The following MYO16 variants were observed in gnomAD, a reference collection of about 807,000 sequenced individuals.
The protein encoded by MYO16 is myosin XVI.
In MYO16, 94 loss-of-function variants were observed where a neutral mutation model predicts 205.3. That is an observed-to-expected ratio of 0.46 (90% CI 0.39 to 0.54). The LOEUF is 0.54. Among genes scored for constraint, MYO16 ranks in the 20% least tolerant of loss-of-function variants. MYO16 has a pLI of 0.00. For synonymous variants in MYO16, 988 were observed against 954.0 expected (o/e 1.04, Z -0.66); for missense variants, 2,315 against 2,387.5 (o/e 0.97, Z 0.63).
chr13:109,205,505 T>C (rs1236533497), intron 34 of MYO16, among the ~76,000 whole-genome samples: 4 of 152,182 alleles, frequency 2.6e-5, no homozygotes, highest in African/African-American at 9.6e-5. Flanking sequence ...AACAAAGTAG[T>C]TAGTGCTTTG....
intron 11 of MYO16, among the ~76,000 whole-genome samples, chr13:108,857,790 C>T (rs1007154568): frequency 4.6e-5 from 7 of 152,192 alleles, no homozygotes; most frequent in Admixed American, 4.6e-4. Context: ...TTATCAAACT[C>T]CTGCCTCTAG....
chr13:109,022,740 A>ATTATG (rs1886122389), intron 23 of MYO16, among the ~76,000 whole-genome samples: 1 of 103,566 alleles, frequency 9.7e-6, no homozygotes, highest in Non-Finnish European at 2.0e-5. Context: ...TATATATTAT[A>ATTATG]TATATGCATA....
At chr13:108,504,198 T>C in the MYO16 span, among the ~76,000 whole-genome samples, 1 of 152,202 alleles carries the variant, frequency 6.6e-6, no homozygotes, top group Non-Finnish European at 1.5e-5. Context: ...CTCAGCTCAC[T>C]GCAACCTTCG....
In MYO16 at chr13:109,181,812, A is replaced by AT. The variant is rs1555339232; in HGVS notation, c.5415+2182dup. Among the ~76,000 whole-genome samples the AT allele has an allele frequency of 2.4e-4, 35 of 143,682 alleles. 1 individual carries two copies. The highest frequency in any genetic ancestry group is 7.6e-4 in the African/African-American group (30 of 39,608). 94.3% of individuals were successfully genotyped at this position (143,682 alleles called of 152,430 possible). A position where few individuals can be genotyped will look rare whatever the true frequency, so the allele number is the denominator to read the frequency against. ...ACTGTTTCATAAAATTTATTTATTT[A>AT]TTTATTTTATTTTATTTTTTTTTTT... On this transcript the variant is annotated intron_variant, in intron 34 of 34. Coordinates refer to ENST00000457511, the MANE Select transcript of MYO16 (RefSeq NM_001198950.3).
intron 32 of MYO16, among the ~76,000 whole-genome samples, chr13:109,157,453 C>T (rs868756001): frequency 6.6e-6 from 1 of 152,120 alleles, no homozygotes; most frequent in Non-Finnish European, 1.5e-5. Flanking sequence ...TTCCCTCCCC[C>T]TCTCCACATT....
chr13:109,047,358 T>C (rs1399235837), intron 24 of MYO16, among the ~76,000 whole-genome samples: 1 of 152,152 alleles, frequency 6.6e-6, no homozygotes, highest in Non-Finnish European at 1.5e-5. Context: ...AAGATGACTC[T>C]GGAGCACAAC....
intron 6 of MYO16, among the ~76,000 whole-genome samples, chr13:108,805,965 G>C (rs1887102450): frequency 2.1e-5 from 1 of 47,638 alleles, no homozygotes; most frequent in African/African-American, 4.9e-5. Context: ...AATAAAATTA[G>C]CTGGGTTTAG....
At chr13:108,886,503 A>G in intron 13 of MYO16, 1 of 456,226 alleles carries the variant, frequency 2.2e-6, no homozygotes, top group Non-Finnish European at 4.4e-6. Flanking sequence ...GGAAGCTCTC[A>G]GCAGAGAGGG....
At chr13:108,624,781 C>CTGTGTGTG (rs767842855), upstream of MYO16, among the ~76,000 whole-genome samples, 1,834 of 121,606 alleles carry the variant, frequency 0.015, 22 homozygotes, top group Non-Finnish European at 0.018. Flanking sequence ...CCCATATAGC[C>CTGTGTGTG]TGAGTGTGTG....
At chr13:109,023,618 C>G (rs1394345543) in intron 23 of MYO16, among the ~76,000 whole-genome samples, 1 of 116,366 alleles carries the variant, frequency 8.6e-6, no homozygotes, top group Non-Finnish European at 1.6e-5. Context: ...TTTATATATA[C>G]AAATATATAG....
chr13:109,149,724 C>T (rs1877547747), intron 32 of MYO16, among the ~76,000 whole-genome samples: 1 of 152,182 alleles, frequency 6.6e-6, no homozygotes, highest in African/African-American at 2.4e-5. Flanking sequence ...CCTGCCTTCT[C>T]CTCCTCTTTT....
In MYO16 at chr13:108,864,719, A is replaced by G. The variant is rs373395737; in HGVS notation, c.1360-1458A>G. ...AATTAAAAAAAAAAATTGTAGAGAT[A>G]GCATCTCACCATGTTACCCAGGCTA... On this transcript the variant is annotated intron_variant, in intron 11 of 34. Transcript: ENST00000457511. Among the ~76,000 whole-genome samples, 9 of 152,062 alleles carry G rather than the reference A, an allele frequency of 5.9e-5. No individual in the cohort carries two copies. In the South Asian group the frequency reaches 8.3e-4, roughly 14 times the overall value.
intron 29 of MYO16, among the ~76,000 whole-genome samples, chr13:109,122,082 G>T (rs1391506842): frequency 2.0e-5 from 3 of 152,158 alleles, no homozygotes; most frequent in Non-Finnish European, 4.4e-5. Context: ...CATCGCCAGG[G>T]ATCTGGCTAG....
At chr13:108,908,213 C>T (rs1948657450) in intron 15 of MYO16, among the ~76,000 whole-genome samples, 1 of 152,194 alleles carries the variant, frequency 6.6e-6, no homozygotes, top group African/African-American at 2.4e-5. Context: ...TCTAATTTTA[C>T]CATCACCTTT....
intron 27 of MYO16, among the ~76,000 whole-genome samples, chr13:109,060,536 TG>T (rs1178765861): frequency 2.0e-5 from 3 of 152,034 alleles, no homozygotes; most frequent in Admixed American, 6.6e-5. Flanking sequence ...CTAATGCATG[TG>T]GGGCTTAAAA....
the MYO16 span, among the ~76,000 whole-genome samples, chr13:108,503,877 ATG>A: frequency 2.0e-5 from 3 of 152,154 alleles, no homozygotes; most frequent in Non-Finnish European, 4.4e-5. Flanking sequence ...TAAAATTAAT[ATG>A]AGAGTTTGCT....
Position 108,903,194 on chromosome 13 carries a change from G to A in MYO16, c.1777+5061G>A, listed in dbSNP as rs144534894. On this transcript the variant is annotated intron_variant, in intron 15 of 34. Transcript: ENST00000457511. ...GGAAAGAAAACAAATTGTATGCTGAGGTTGCTAAGATCCATGGTAGGAAAC... is the reference window on the plus strand; with the variant it reads ...GGAAAGAAAACAAATTGTATGCTGAAGTTGCTAAGATCCATGGTAGGAAAC... Among the ~76,000 whole-genome samples, 306 of 152,280 alleles carry A rather than the reference G, an allele frequency of 2.0e-3. 2 individuals carry two copies. Among genetic ancestry groups the A allele is most frequent in the African/African-American group, 7.0e-3 (290 of 41,556 alleles).
chr13:109,194,157 GAATGAAAGCCCCTC>G (rs1880047895), intron 34 of MYO16, among the ~76,000 whole-genome samples: 1 of 152,130 alleles, frequency 6.6e-6, no homozygotes, highest in Admixed American at 6.6e-5. Flanking sequence ...TACCCAATTT[GAATGAAAGCCCCTC>G]GATGGAGGTG....
Position 109,165,007 on chromosome 13 carries a change from T to A in MYO16, c.5271T>A (p.Ser1757=). Residue 1757 remains serine (S), a synonymous_variant, in exon 33 of 35, where the codon TCT becomes TCA. Coordinates refer to ENST00000457511, the MANE Select transcript of MYO16 (RefSeq NM_001198950.3). ...RNANNHGIQL[S]NSLSSAITAE... ...CAAATAACCATGGAATTCAGTTATCTAATTCACTATCTAGTGCTATAACTG... is the reference window on the plus strand; with the variant it reads ...CAAATAACCATGGAATTCAGTTATCAAATTCACTATCTAGTGCTATAACTG... 6.2e-7 allele frequency: 1 copy of A among 1,602,828 alleles called. No individual in the cohort carries two copies. The highest frequency in any genetic ancestry group is 8.5e-7 in the Non-Finnish European group (1 of 1,174,968).
Sources: gnomAD v4.1 joint callset for allele counts (sites outside exome capture counted in the v4.1 genomes callset) on GRCh38, gnomAD v4.1.1 for gene constraint, MANE v1.5 for transcripts, NCBI Gene and HGNC (gene_info 2026-07-23, HGNC 2026-07-21) for gene names.